PXDN: variants seen among roughly 807,000 people sequenced by gnomAD.
The protein encoded by PXDN is peroxidasin.
PXDN carries 77 observed loss-of-function variants against 140.3 expected under a neutral mutation model. That is an observed-to-expected ratio of 0.55 (90% CI 0.46 to 0.66). The LOEUF (loss-of-function observed/expected upper bound fraction) is 0.66. Among genes scored for constraint, PXDN ranks in the 30% least tolerant of loss-of-function variants. The pLI, the probability that PXDN is intolerant of heterozygous loss-of-function variation, is 0.00. For synonymous variants in PXDN, 911 were observed against 857.4 expected (o/e 1.06, Z -1.09); for missense variants, 1,838 against 2,039.5 (o/e 0.90, Z 1.90).
intron 14 of PXDN, among the ~76,000 whole-genome samples, chr2:1,658,829 C>T (rs565864953): frequency 6.7e-6 from 1 of 149,716 alleles, no homozygotes; most frequent in South Asian, 2.2e-4. Context: ...CCCCTGCCAC[C>T]CCCCATCTCC....
Position 1,648,742 on chromosome 2 carries a change from G to A in PXDN, c.3038C>T (p.Thr1013Ile), listed in dbSNP as rs763704795. The change falls in exon 17 of 23, where the codon ACC becomes ATC. Residue 1013 changes from threonine to isoleucine, a missense_variant. Around this residue, in one of 5 missense-constraint regions of PXDN, gnomAD observed 850 missense variants for 894.1 expected, o/e 0.95. Transcript: ENST00000252804. This position sits in a 1 kb window ranked among gnomAD's most constrained non-coding sequence, Gnocchi z 8.9. ...GATCTTCCTGGTCTCATAGTAGATG[G>A]TGTCGCCGTCCCAGTGCGGGTTCAG... ...LKLNPHWDGD[T>I]IYYETRKIVG... 6.2e-7 allele frequency: 1 copy of A among 1,604,320 alleles called. No homozygotes were observed. The highest frequency in any genetic ancestry group is 8.5e-7 in the Non-Finnish European group (1 of 1,176,038).
intron 15 of PXDN, 180 bp from the exon 16 acceptor site, chr2:1,653,965 CA>C: frequency 2.9e-6 from 2 of 693,978 alleles, no homozygotes; most frequent in Non-Finnish European, 4.5e-6. Flanking sequence ...AACAAACAGA[CA>C]AAAACCGGAA....
At chr2:1,686,578 T>C (rs1684062857) in intron 4 of PXDN, among the ~76,000 whole-genome samples, 1 of 152,148 alleles carries the variant, frequency 6.6e-6, no homozygotes, top group Non-Finnish European at 1.5e-5. Flanking sequence ...TATGAGAACT[T>C]GCTCCTTTGC....
chr2:1,716,427 G>A (rs1684894913), intron 1 of PXDN, among the ~76,000 whole-genome samples: 1 of 110,240 alleles, frequency 9.1e-6, no homozygotes, highest in South Asian at 3.7e-4. Context: ...AACAGAGTGA[G>A]ACTCCATCTC....
Position 1,634,280 on chromosome 2 carries a change from G to T in PXDN, c.4364C>A (p.Thr1455Asn), listed in dbSNP as rs1173096911. 6.2e-7 allele frequency: 1 copy of T among 1,607,228 alleles called. No individual in the cohort carries two copies. Among genetic ancestry groups the T allele is most frequent in the South Asian group, 1.1e-5 (1 of 89,238 alleles). The change falls in exon 23 of 23, where the codon ACC becomes AAC. Residue 1455 changes from threonine (T) to asparagine (N), a missense_variant. By Grantham distance (65) the Thr-to-Asn change is moderately conservative. Transcript: ENST00000252804. Reference protein sequence around the residue: ...TCFVEACPPATCAVPVNIPGA... With the variant: ...TCFVEACPPANCAVPVNIPGA... ...TGGGATGTTCACGGGGACAGCACAGGTGGCAGGGGGGCAAGCTTCCACGAA... is the reference window on the plus strand; with the variant it reads ...TGGGATGTTCACGGGGACAGCACAGTTGGCAGGGGGGCAAGCTTCCACGAA...
At chr2:1,675,356 A>AT (rs1439569960) in intron 8 of PXDN, among the ~76,000 whole-genome samples, 2 of 152,106 alleles carry the variant, frequency 1.3e-5, no homozygotes, top group Non-Finnish European at 2.9e-5. Flanking sequence ...GCGGGCATCA[A>AT]TTTTTTCGTA....
At chr2:1,670,599 T>G (rs932586610) in intron 9 of PXDN, among the ~76,000 whole-genome samples, 9 of 152,322 alleles carry the variant, frequency 5.9e-5, no homozygotes, top group African/African-American at 2.2e-4. Flanking sequence ...TATTAGTATT[T>G]CTATCAGAAT....
intron 15 of PXDN, 54 bp downstream of exon 15, chr2:1,654,346 T>C: frequency 1.5e-6 from 2 of 1,309,530 alleles, no homozygotes; most frequent in Non-Finnish European, 2.2e-6. Flanking sequence ...CACTCCCACC[T>C]TCACCCTAAA....
rs181956899 is a variant in PXDN at position 1,729,855 on chromosome 2, T to A, written c.200+14401A>T. On this transcript the variant is annotated intron_variant, in intron 1 of 22. Transcript: ENST00000252804. The stretch of plus-strand genomic sequence containing the variant: ...CAAAGAAATGACCCATAATAAAAAT[T>A]CTGTTAGGCAGATTTGGTCATTTCA... Among the ~76,000 whole-genome samples, 271 of 152,308 alleles carry A rather than the reference T, an allele frequency of 1.8e-3. 1 individual carries two copies. The highest frequency in any genetic ancestry group is 6.4e-3 in the African/African-American group (265 of 41,566).
At position 1,649,014 on chromosome 2, in the gene PXDN, C is replaced by T; in HGVS notation, c.2766G>A (p.Glu922=). 1 of 1,612,610 alleles carries T rather than the reference C, an allele frequency of 6.2e-7. No homozygotes were observed. The highest frequency in any genetic ancestry group is 8.5e-7 in the Non-Finnish European group (1 of 1,179,766). Residue 922 remains glutamate (E), a synonymous_variant, in exon 17 of 23, where the codon GAG becomes GAA. Transcript: ENST00000252804. The surrounding 1 kb of genome is among the most constrained non-coding windows in gnomAD (Gnocchi z 7.1). ...TGGCCAGGTCGCGGATGCTGCGGGCCTCATGCTCCGTGCTCCCGTACACGT... is the reference window on the plus strand; with the variant it reads ...TGGCCAGGTCGCGGATGCTGCGGGCTTCATGCTCCGTGCTCCCGTACACGT... The part of the protein sequence containing the change: ...ASNVYGSTEH[E]ARSIRDLASH...
intron 1 of PXDN, among the ~76,000 whole-genome samples, chr2:1,739,076 C>T (rs1685480927): frequency 6.6e-6 from 1 of 152,190 alleles, no homozygotes; most frequent in African/African-American, 2.4e-5. Context: ...CAGATGCCTT[C>T]CATGGCCCCG....
chr2:1,643,231 C>T lies in PXDN; in HGVS notation c.3952+137G>A, dbSNP rs141530000. On this transcript the variant is annotated intron_variant, in intron 19 of 22. Coordinates refer to ENST00000252804, the MANE Select transcript of PXDN (RefSeq NM_012293.3). ...AGTCCATCTCAGCATGGATACAGCA[C>T]GATTTAAATCTAAAGCTGAATATTT... 27,606 of 952,444 alleles carry T rather than the reference C, an allele frequency of 0.029. 549 individuals are homozygous for T. Among genetic ancestry groups the T allele is most frequent in the Non-Finnish European group, 0.035 (22,833 of 647,540 alleles). 59.0% of individuals were successfully genotyped at this position (952,444 alleles called of 1,614,324 possible). A position where few individuals can be genotyped will look rare whatever the true frequency, so the allele number is the denominator to read the frequency against.
At chr2:1,735,142 T>C (rs1002385994) in intron 1 of PXDN, among the ~76,000 whole-genome samples, 1 of 152,180 alleles carries the variant, frequency 6.6e-6, no homozygotes, top group African/African-American at 2.4e-5. Flanking sequence ...TAATTCTAGC[T>C]CTCTTGCTAT....
At chr2:1,690,351 T>A (rs1684157905) in intron 3 of PXDN, among the ~76,000 whole-genome samples, 2 of 151,530 alleles carry the variant, frequency 1.3e-5, no homozygotes, top group Non-Finnish European at 2.9e-5. Context: ...GAGTTTGGAG[T>A]GTGGGCGCTC....
In PXDN at chr2:1,740,097, G is replaced by A. The variant is rs191785634; in HGVS notation, c.200+4159C>T. ...AGGAGAGGCCTGGCGTCCCGGGACC[G>A]CGGGTACTCCCAGAAGACGCAGTCA... On this transcript the variant is annotated intron_variant, in intron 1 of 22. Coordinates refer to ENST00000252804, the MANE Select transcript of PXDN (RefSeq NM_012293.3). Among the ~76,000 whole-genome samples the A allele has an allele frequency of 8.5e-5, 13 of 152,316 alleles. No homozygotes were observed. In the East Asian group the frequency reaches 1.7e-3, roughly 20 times the overall value.
At chr2:1,726,782 T>C (rs989834440) in intron 1 of PXDN, among the ~76,000 whole-genome samples, 1 of 152,212 alleles carries the variant, frequency 6.6e-6, no homozygotes, top group Non-Finnish European at 1.5e-5. Flanking sequence ...TCCTTGGCTG[T>C]ACAGAGCTTT....
At chr2:1,635,805 T>C (rs997984967) in intron 21 of PXDN, 3 of 425,742 alleles carry the variant, frequency 7.0e-6, no homozygotes, top group East Asian at 5.2e-5. Flanking sequence ...TTCAACCAGA[T>C]GACGAGAACG....
At chr2:1,744,658 G>C (rs1685651182), upstream of PXDN, 1 of 388,920 alleles carries the variant, frequency 2.6e-6, no homozygotes, top group Non-Finnish European at 4.2e-6. Context: ...CGTCCGGCCT[G>C]AGCGCCCTCA....
At chr2:1,710,481 C>T (rs146132308) in intron 1 of PXDN, among the ~76,000 whole-genome samples, 6 of 151,192 alleles carry the variant, frequency 4.0e-5, no homozygotes, top group African/African-American at 1.2e-4. Context: ...ATCCACTTTC[C>T]ACCAGCACCC....
Sources: gnomAD v4.1 joint callset for allele counts (sites outside exome capture counted in the v4.1 genomes callset) on GRCh38, gnomAD v4.1.1 for gene constraint, gnomAD v4.1.1 regional missense constraint, Gnocchi (gnomAD v3.1) non-coding constraint, MANE v1.5 for transcripts, NCBI Gene and HGNC (gene_info 2026-07-23, HGNC 2026-07-21) for gene names.